Variants in CAPN13 observed in about 807,000 individuals in gnomAD.
CAPN13 encodes calpain 13, also known as calpain-13.
CAPN13 carries 90 observed loss-of-function variants against 98.4 expected under a neutral mutation model. The ratio of observed to expected loss-of-function variants is 0.92; its 90% confidence interval spans 0.77 to 1.09. The LOEUF is 1.09. Ranked by LOEUF, CAPN13 falls within the 50% of genes least tolerant of loss-of-function variation. CAPN13 has a pLI of 0.00. For missense variants in CAPN13, 887 were observed against 841.3 expected (o/e 1.05, Z -0.67); for synonymous variants, 330 against 305.5 (o/e 1.08, Z -0.84).
chr2:30,786,026 G>A lies in CAPN13; in HGVS notation c.198+1102C>T, dbSNP rs534040987. On this transcript the variant is annotated intron_variant, in intron 2 of 22. Coordinates refer to ENST00000295055, the MANE Select transcript of CAPN13 (RefSeq NM_144575.3). ...AAAGCTTCAAATCTGCCCCAACGTA[G>A]GGCAAGAGGTGTGTCGCCTCCCAGA... Among the ~76,000 whole-genome samples the A allele has an allele frequency of 8.7e-4, 113 of 130,620 alleles. 1 individual carries two copies. The highest frequency in any genetic ancestry group is 4.2e-3 in the African/African-American group (110 of 26,138). 85.7% of individuals were successfully genotyped at this position (130,620 alleles called of 152,430 possible).
intron 22 of CAPN13, among the ~76,000 whole-genome samples, chr2:30,724,894 C>T (rs922001156): frequency 2.6e-5 from 4 of 152,048 alleles, no homozygotes; most frequent in African/African-American, 9.7e-5. Context: ...GAAGTAGACT[C>T]ATCCTGCAGA....
intron 1 of CAPN13, among the ~76,000 whole-genome samples, chr2:30,794,737 G>A (rs1240815242): frequency 1.3e-5 from 2 of 151,864 alleles, no homozygotes; most frequent in South Asian, 2.1e-4. Flanking sequence ...GCAACAACAT[G>A]AATAAATCTC....
intron 1 of CAPN13, among the ~76,000 whole-genome samples, chr2:30,800,189 A>AAAGAAAGG (rs1675186860): frequency 6.6e-6 from 1 of 150,488 alleles, no homozygotes; most frequent in Non-Finnish European, 1.5e-5. Flanking sequence ...AGAAAGAAAG[A>AAAGAAAGG]AAACTACGTA....
Position 30,751,117 on chromosome 2 carries a change from A to C in CAPN13, c.1222T>G (p.Phe408Val), listed in dbSNP as rs377435812. The stretch of plus-strand genomic sequence containing the variant: ...GGCTGCCTTACCAGAATCACTTGGA[A>C]ATCGAGTGGAAATTTTGCATCTTCT... ...KAEDAKFPLD[F>V]QVILAGSQRF... The change falls in exon 11 of 23, where the codon TTC becomes GTC. Residue 408 changes from phenylalanine to valine, a missense_variant. Physicochemically the swap from Phe to Val is conservative, Grantham distance 50. Coordinates refer to ENST00000295055, the MANE Select transcript of CAPN13 (RefSeq NM_144575.3). 3.7e-6 allele frequency: 6 copies of C among 1,613,712 alleles called. No homozygotes were observed. In the African/African-American group the frequency reaches 8.0e-5, roughly 22 times the overall value.
At chr2:30,728,365 C>A (rs1478797673) in intron 22 of CAPN13, among the ~76,000 whole-genome samples, 1 of 151,970 alleles carries the variant, frequency 6.6e-6, no homozygotes, top group Admixed American at 6.6e-5. Flanking sequence ...AGATGGGCTA[C>A]AACCAAGTGT....
At position 30,731,294 on chromosome 2, in the gene CAPN13, G is replaced by A. The variant is rs188628096; in HGVS notation, c.1983+50C>T. On this transcript the variant is annotated intron_variant, in intron 21 of 22. Transcript: ENST00000295055. ...AAAATGCCCTCTGGAATCAAGTCAG[G>A]GGAGGCAGCCTGGGACTGTGCCTGC... 3.1e-4 allele frequency: 471 copies of A among 1,525,510 alleles called. 1 individual carries two copies. The African/African-American group carries it at 5.9e-3, about 19-fold the overall frequency. The allele number at this position is 1,525,510 out of a possible 1,614,324, so 94.5% of individuals were successfully genotyped here.
intron 5 of CAPN13, among the ~76,000 whole-genome samples, chr2:30,764,685 G>T (rs1313631539): frequency 6.6e-6 from 1 of 152,144 alleles, no homozygotes; most frequent in African/African-American, 2.4e-5. Context: ...TGCCCGGCAC[G>T]TGACCATCCC....
At chr2:30,748,087 T>G (rs1334611288) in intron 11 of CAPN13, among the ~76,000 whole-genome samples, 1 of 152,238 alleles carries the variant, frequency 6.6e-6, no homozygotes, top group Non-Finnish European at 1.5e-5. Context: ...GTTGCGTGTG[T>G]GCCGGGGCAG....
At chr2:30,771,854 C>T (rs1488855392) in intron 4 of CAPN13, among the ~76,000 whole-genome samples, 1 of 152,162 alleles carries the variant, frequency 6.6e-6, no homozygotes, top group Non-Finnish European at 1.5e-5. Flanking sequence ...GGAACTGCCT[C>T]ATAGGTTGTG....
At chr2:30,792,884 T>A (rs1674673913) in intron 1 of CAPN13, among the ~76,000 whole-genome samples, 1 of 151,882 alleles carries the variant, frequency 6.6e-6, no homozygotes, top group Admixed American at 6.6e-5. Flanking sequence ...ATAAGTTGGG[T>A]TTATTTCAGG....
chr2:30,781,269 C>T (rs1456009331), intron 2 of CAPN13, among the ~76,000 whole-genome samples: 1 of 152,228 alleles, frequency 6.6e-6, no homozygotes, highest in Admixed American at 6.5e-5. Context: ...TCTGACCACA[C>T]CAGCAGGCAG....
In CAPN13 at chr2:30,732,537, C is replaced by G; in HGVS notation, c.1828G>C (p.Glu610Gln). 6.2e-7 allele frequency: 1 copy of G among 1,610,314 alleles called. No individual in the cohort carries two copies. The highest frequency in any genetic ancestry group is 8.5e-7 in the Non-Finnish European group (1 of 1,178,574). ...CTGAGGGTCACCAGATGCAGCAGCT[C>G]ACGGCTGATGAAGATCCCTCTGAGG... Reference protein sequence around the residue: ...DFLRGIFISRELLHLVTLRYS... With the variant: ...DFLRGIFISRQLLHLVTLRYS... Residue 610 changes from glutamate to glutamine, a missense_variant, in exon 20 of 23, where the codon GAG becomes CAG. Glu to Gln is a conservative substitution (Grantham distance 29). Transcript: ENST00000295055.
chr2:30,736,591 T>G lies in CAPN13; in HGVS notation c.1654-20A>C. 2 of 1,613,368 alleles carry G rather than the reference T, an allele frequency of 1.2e-6. No individual in the cohort carries two copies. The highest frequency in any genetic ancestry group is 1.3e-5 in the African/African-American group (1 of 74,924). On this transcript the variant is annotated intron_variant, in intron 17 of 22. Transcript: ENST00000295055. ...TTTCAGCTGGGTAAGGAGTTAAGAG[T>G]GAACCAGCCAGCGTGCAAGGTGCAG... is the stretch of plus-strand genomic sequence containing the variant.
intron 1 of CAPN13, among the ~76,000 whole-genome samples, chr2:30,790,592 C>T (rs1207936543): frequency 6.6e-6 from 1 of 152,198 alleles, no homozygotes; most frequent in Admixed American, 6.5e-5. Context: ...ACGAAACGAG[C>T]TTCCCTGTGT....
At chr2:30,743,602 G>A in intron 12 of CAPN13, 23 bp from the exon 13 acceptor site, 1 of 1,612,148 alleles carries the variant, frequency 6.2e-7, no homozygotes. Context: ...GAAACACAAT[G>A]ATTGTGAGAA....
rs1558612928 is a variant in CAPN13 at position 30,738,004 on chromosome 2, CA to C, written c.1653+230del. ...ACACACACACACACACACACACACA[CA>C]CCCCAGTACACTGATCAGCACATAG... On this transcript the variant is annotated intron_variant, in intron 17 of 22. Transcript: ENST00000295055. The C allele has an allele frequency of 3.2e-4, 165 of 520,684 alleles. No homozygotes were observed. In the East Asian group the frequency reaches 4.7e-3, roughly 15 times the overall value. 32.3% of individuals were successfully genotyped at this position (520,684 alleles called of 1,614,324 possible).
intron 9 of CAPN13, among the ~76,000 whole-genome samples, chr2:30,753,914 T>C (rs1413695754): frequency 6.6e-6 from 1 of 152,158 alleles, no homozygotes; most frequent in African/African-American, 2.4e-5. Flanking sequence ...GCTGCTGTTT[T>C]TGACGTCATG....
intron 5 of CAPN13, among the ~76,000 whole-genome samples, chr2:30,766,458 G>A (rs1673116532): frequency 6.6e-6 from 1 of 152,230 alleles, no homozygotes. Context: ...TTGACAAGGA[G>A]CTATCTTTCT....
intron 19 of CAPN13, among the ~76,000 whole-genome samples, chr2:30,733,855 G>T (rs7607943): frequency 0.033 from 5,070 of 152,252 alleles, 149 homozygotes; most frequent in East Asian, 0.14. Flanking sequence ...TTCCCCATTG[G>T]GACAGTAGAG....
Sources: gnomAD v4.1 joint callset for allele counts (sites outside exome capture counted in the v4.1 genomes callset) on GRCh38, gnomAD v4.1.1 for gene constraint, MANE v1.5 for transcripts, NCBI Gene and HGNC (gene_info 2026-07-23, HGNC 2026-07-21) for gene names.